MTX1: variants seen among roughly 807,000 people sequenced by gnomAD.
MTX1 encodes metaxin-1.
Under a neutral mutation model 39.4 loss-of-function variants are expected in MTX1, and 20 were observed. That is an observed-to-expected ratio of 0.51 (90% confidence interval 0.36 to 0.74). The LOEUF (loss-of-function observed/expected upper bound fraction) is 0.74, where lower values mean the gene tolerates loss of function less well. Ranked by LOEUF, MTX1 falls within the 30% of genes least tolerant of loss-of-function variation. The pLI is 0.00. For synonymous variants in MTX1, 209 were observed against 198.6 expected, an observed-to-expected ratio of 1.05 and a Z score of -0.44; for missense variants, 481 against 485.9, an observed-to-expected ratio of 0.99 and a Z score of 0.10.
intron 1 of MTX1, among the ~76,000 whole-genome samples, chr1:155,209,843 C>T (rs372070163): frequency 1.1e-4 from 16 of 152,324 alleles, no homozygotes; most frequent in African/African-American, 3.6e-4. Flanking sequence ...TGACTCCTTG[C>T]TTTAAAGAGG....
intron 4 of MTX1, 34 bp from the exon 5 acceptor site, chr1:155,212,351 G>C (rs767019757): frequency 6.2e-7 from 1 of 1,613,032 alleles, no homozygotes; most frequent in Admixed American, 1.7e-5. Flanking sequence ...CACTGGCTCA[G>C]ACCTACCTGT....
chr1:155,212,672 C>T (rs1480782176), intron 5 of MTX1, 22 bp from the exon 6 acceptor site: 5 of 1,612,358 alleles, frequency 3.1e-6, no homozygotes, highest in South Asian at 1.1e-5. Flanking sequence ...CAGCTGCAAG[C>T]CTACCTGTGT....
intron 1 of MTX1, among the ~76,000 whole-genome samples, chr1:155,210,112 G>C (rs1473174683): frequency 1.3e-5 from 2 of 152,216 alleles, no homozygotes; most frequent in Non-Finnish European, 2.9e-5. Flanking sequence ...AGAGGAGATA[G>C]AGGAAAGGAT....
intron 6 of MTX1, 129 bp downstream of exon 6, chr1:155,212,899 G>C (rs1456319108): frequency 5.7e-5 from 86 of 1,503,406 alleles, no homozygotes; most frequent in Non-Finnish European, 6.4e-5. Flanking sequence ...GATAGAAACT[G>C]GCCCTAGTGA....
chr1:155,213,552 A>G lies in MTX1; in HGVS notation c.1255A>G (p.Asn419Asp). 1 of 141,164 alleles carries G rather than the reference A, an allele frequency of 7.1e-6. No individual in the cohort carries two copies. The highest frequency in any genetic ancestry group is 4.0e-5 in the South Asian group (1 of 24,708). The allele number at this position is 141,164 out of a possible 1,614,324, so 8.7% of individuals were successfully genotyped here. Reference sequence around the variant, plus strand: ...TGAGGAGGAGCCATACCGGCGCCGGAACCAGATCCTATCTGTGCTGGCAGG... The same window carrying G: ...TGAGGAGGAGCCATACCGGCGCCGGGACCAGATCCTATCTGTGCTGGCAGG... ...ETEEEPYRRR[N>D]QILSVLAGLA... Residue 419 changes from asparagine (N) to aspartate (D), a missense_variant, in exon 8 of 8, where the codon AAC (asparagine) becomes GAC (aspartate). Around this residue, in one of 2 missense-constraint regions of MTX1, gnomAD observed 113 missense variants for 153.2 expected, o/e 0.74. Transcript: ENST00000368376.
rs1052596167 is a variant in MTX1, at chr1:155,212,080, G to A, written c.679-47G>A. On this transcript the variant is annotated intron_variant, in intron 3 of 7. Coordinates refer to ENST00000368376, the MANE Select transcript of MTX1 (RefSeq NM_002455.5). The stretch of plus-strand genomic sequence containing the variant: ...AGGACTCCTTCCTCCCTGGTGAAGT[G>A]CCCTTGCAGCTCCCTAGTGTCCACG... 8.5e-6 allele frequency: 13 copies of A among 1,523,758 alleles called. No homozygotes were observed. The African/African-American group carries it at 1.2e-4, about 14-fold the overall frequency. 94.4% of individuals were successfully genotyped at this position (1,523,758 alleles called of 1,614,324 possible).
Position 155,210,629 on chromosome 1 carries a change from T to C in MTX1, c.678+2T>C. On this transcript the variant is annotated splice_donor_variant, in intron 3 of 7. Coordinates refer to ENST00000368376, the MANE Select transcript of MTX1 (RefSeq NM_002455.5). LOFTEE classifies it high-confidence loss of function. ...ATCATCACCCACCTTCGAAAAGAGG[T>C]AGGTGACTTGGATAGAGGGGGCTGC... 2 of 1,613,256 alleles carry C rather than the reference T, an allele frequency of 1.2e-6. No homozygotes were observed. Among genetic ancestry groups the C allele is most frequent in the African/African-American group, 1.3e-5 (1 of 74,930 alleles).
Position 155,209,154 on chromosome 1 carries a change from T to A in MTX1, c.350T>A (p.Leu117Gln), listed in dbSNP as rs527512238. ...TCCCCGGGGATCTCCCCAGGCCCCC[T>A]GACCGCAACGATCGGAGGGGCGGTG... Reference protein sequence around the residue: ...LASPGISPGPLTATIGGAVAG... With the variant: ...LASPGISPGPQTATIGGAVAG... Residue 117 changes from leucine to glutamine, a missense_variant, in exon 1 of 8, where the codon CTG becomes CAG. Leu to Gln is a moderately radical substitution (Grantham distance 113, BLOSUM62 -2). Transcript: ENST00000368376. 7.9e-6 allele frequency: 12 copies of A among 1,515,770 alleles called. No homozygotes were observed. Among genetic ancestry groups the A allele is most frequent in the Non-Finnish European group, 1.1e-5 (12 of 1,128,562 alleles). The allele number at this position is 1,515,770 out of a possible 1,614,324, so 93.9% of individuals were successfully genotyped here. A position where few individuals can be genotyped will look rare whatever the true frequency, so the allele number is the denominator to read the frequency against.
intron 4 of MTX1, 61 bp from the exon 5 acceptor site, chr1:155,212,324 C>T (rs1671157608): frequency 6.2e-7 from 1 of 1,604,742 alleles, no homozygotes; most frequent in Non-Finnish European, 8.5e-7. Context: ...AGAAGCCCAC[C>T]TTGAATCAGA....
Position 155,210,557 on chromosome 1 carries a change from C to T in MTX1, c.608C>T (p.Pro203Leu), listed in dbSNP as rs1190273496. 3.7e-6 allele frequency: 6 copies of T among 1,614,124 alleles called. No individual in the cohort carries two copies. In the South Asian group the frequency reaches 5.5e-5, roughly 15 times the overall value. Residue 203 changes from proline to leucine, a missense_variant, in exon 3 of 8, where the codon CCT (proline) becomes CTT (leucine). This residue lies in a region of MTX1 where 368 missense variants were observed against 332.8 expected (regional missense o/e 1.11). Transcript: ENST00000368376. ...NPWQSPSGTL[P>L]ALRTSHGEVI... is the part of the protein sequence containing the mutation. ...TCCCTCTCAATATCAGGAACTCTGC[C>T]TGCCCTTCGGACCAGTCATGGAGAG...
rs753621959 is a variant in MTX1 at position 155,208,867 on chromosome 1, C to A, written c.63C>A (p.Ser21Arg). Reference sequence around the variant, plus strand: ...GGACGAGCCCCAAGGGGCCCTGGAGCAGTACAGGCCACGTGCAGTTTGGCA... The same window carrying A: ...GGACGAGCCCCAAGGGGCCCTGGAGAAGTACAGGCCACGTGCAGTTTGGCA... ...RSGTSPKGPW[S>R]STGHVQFGKS... The change falls in exon 1 of 8, where the codon AGC becomes AGA. Residue 21 changes from serine to arginine, a missense_variant. Around this residue, in one of 2 missense-constraint regions of MTX1, gnomAD observed 368 missense variants for 332.8 expected, o/e 1.11. Transcript: ENST00000368376. The A allele has an allele frequency of 6.2e-7, 1 of 1,610,526 alleles. No homozygotes were observed. The highest frequency in any genetic ancestry group is 1.1e-5 in the South Asian group (1 of 90,774).
At chr1:155,210,323 G>C in intron 1 of MTX1, 23 bp from the exon 2 acceptor site, 1 of 1,609,860 alleles carries the variant, frequency 6.2e-7, no homozygotes, top group Non-Finnish European at 8.5e-7. Flanking sequence ...CTGCCTCTCT[G>C]ACTTCTGCTT....
intron 3 of MTX1, 75 bp from the exon 4 acceptor site, chr1:155,212,052 G>T (rs2974935): frequency 0.53 from 710,361 of 1,339,420 alleles, 192,426 homozygotes; most frequent in East Asian, 0.8. Context: ...GGGGGTACCA[G>T]ACAGGACTCC....
In MTX1 at chr1:155,209,277, G is replaced by T; in HGVS notation, c.473G>T (p.Cys158Phe). Residue 158 changes from cysteine to phenylalanine, a missense_variant, in exon 1 of 8, where the codon TGC becomes TTC. Around this residue, in one of 2 missense-constraint regions of MTX1, gnomAD observed 368 missense variants for 332.8 expected, o/e 1.11. Coordinates refer to ENST00000368376, the MANE Select transcript of MTX1 (RefSeq NM_002455.5). ...GKMAAPMELF[C>F]WSGGWGLPSV... ...ATGGCGGCGCCCATGGAGCTGTTCT[G>T]CTGGTCAGGGGGCTGGGGGCTGCCG... 1 of 1,449,190 alleles carries T rather than the reference G, an allele frequency of 6.9e-7. No homozygotes were observed. 89.8% of individuals were successfully genotyped at this position (1,449,190 alleles called of 1,614,324 possible).
At chr1:155,212,647 G>A (rs764237908) in intron 5 of MTX1, 47 bp from the exon 6 acceptor site, 3 of 1,612,410 alleles carry the variant, frequency 1.9e-6, no homozygotes, top group East Asian at 2.2e-5. Flanking sequence ...AGGTGGGGAG[G>A]TGGCACTGTT....
chr1:155,209,163 C>G lies in MTX1; in HGVS notation c.359C>G (p.Thr120Arg), dbSNP rs768059574. ...PGISPGPLTA[T>R]IGGAVAGGGP... ...ATCTCCCCAGGCCCCCTGACCGCAACGATCGGAGGGGCGGTGGCGGGGGGC... is the reference window on the plus strand; with the variant it reads ...ATCTCCCCAGGCCCCCTGACCGCAAGGATCGGAGGGGCGGTGGCGGGGGGC... Residue 120 changes from threonine to arginine, a missense_variant, in exon 1 of 8, where the codon ACG (threonine) becomes AGG (arginine). Coordinates refer to ENST00000368376, the MANE Select transcript of MTX1 (RefSeq NM_002455.5). 9 of 1,500,346 alleles carry G rather than the reference C, an allele frequency of 6.0e-6. No individual in the cohort carries two copies. The highest frequency in any genetic ancestry group is 2.4e-5 in the Admixed American group (1 of 42,268). The allele number at this position is 1,500,346 out of a possible 1,614,324, so 92.9% of individuals were successfully genotyped here. A position where few individuals can be genotyped will look rare whatever the true frequency, so the allele number is the denominator to read the frequency against.
At chr1:155,210,501 A>T in intron 2 of MTX1, 47 bp from the exon 3 acceptor site, 1 of 1,608,134 alleles carries the variant, frequency 6.2e-7, no homozygotes, top group Non-Finnish European at 8.5e-7. Flanking sequence ...ACTATGTATG[A>T]CTAGGCAGCT....
At chr1:155,210,321 C>CT in intron 1 of MTX1, 25 bp from the exon 2 acceptor site, 2 of 1,608,996 alleles carry the variant, frequency 1.2e-6, no homozygotes, top group Non-Finnish European at 1.7e-6. Flanking sequence ...CTCTGCCTCT[C>CT]TGACTTCTGC....
intron 3 of MTX1, 45 bp from the exon 4 acceptor site, chr1:155,212,082 C>T (rs1315419045): frequency 1.3e-6 from 2 of 1,533,268 alleles, no homozygotes; most frequent in African/African-American, 2.7e-5. Flanking sequence ...GGTGAAGTGC[C>T]CTTGCAGCTC....
Sources: allele counts gnomAD v4.1 joint callset (sites outside exome capture counted in the v4.1 genomes callset), GRCh38; gene constraint gnomAD v4.1.1; regional missense constraint gnomAD v4.1.1; transcripts MANE v1.5; gene names NCBI Gene and HGNC (gene_info 2026-07-23, HGNC 2026-07-21).